XIRP2: variants seen among roughly 807,000 people sequenced by gnomAD.
The protein encoded by XIRP2 is xin actin-binding repeat-containing protein 2.
XIRP2 carries 236 observed loss-of-function variants against 277.0 expected under a neutral mutation model. The observed-to-expected ratio is 0.85, with a 90% CI of 0.77 to 0.95. The LOEUF is 0.95. Among genes scored for constraint, XIRP2 ranks in the 40% least tolerant of loss-of-function variants. The pLI, the probability that XIRP2 is intolerant of heterozygous loss-of-function variation, is 0.00. For missense variants in XIRP2, 4,640 were observed against 4,157.5 expected (o/e 1.12, Z -3.19); for synonymous variants, 1,490 against 1,416.5 (o/e 1.05, Z -1.17).
chr2:167,113,203 G>A (rs1175776385), intron 2 of XIRP2, among the ~76,000 whole-genome samples: 1 of 152,060 alleles, frequency 6.6e-6, no homozygotes, highest in Admixed American at 6.6e-5. Context: ...GAGTATCTTT[G>A]TTAATTTTCC....
chr2:167,176,690 T>G (rs929119213), intron 3 of XIRP2, among the ~76,000 whole-genome samples: 1 of 152,154 alleles, frequency 6.6e-6, no homozygotes, highest in Non-Finnish European at 1.5e-5. Context: ...AGGTTGTTAG[T>G]GTGGGGTAAG....
At chr2:167,241,122 C>T (rs546267139) in intron 7 of XIRP2, among the ~76,000 whole-genome samples, 30 of 152,178 alleles carry the variant, frequency 2.0e-4, no homozygotes, top group Non-Finnish European at 3.5e-4. Flanking sequence ...GTCTGGCTCT[C>T]CAACCTGTAG....
intron 3 of XIRP2, among the ~76,000 whole-genome samples, chr2:167,161,008 C>G (rs1692347369): frequency 6.6e-6 from 1 of 152,140 alleles, no homozygotes; most frequent in African/African-American, 2.4e-5. Context: ...GCTATAGGCC[C>G]CAGGCAAGTC....
At chr2:167,031,178 T>C (rs1215913711) in intron 2 of XIRP2, among the ~76,000 whole-genome samples, 1 of 152,160 alleles carries the variant, frequency 6.6e-6, no homozygotes, top group Non-Finnish European at 1.5e-5. Context: ...GATTGGGGCA[T>C]TTAGCCCATT....
intron 2 of XIRP2, among the ~76,000 whole-genome samples, chr2:166,975,396 T>G (rs1443254907): frequency 3.9e-5 from 6 of 152,172 alleles, no homozygotes; most frequent in African/African-American, 1.2e-4. Context: ...ATATAGTGGG[T>G]CATAATATAA....
intron 2 of XIRP2, among the ~76,000 whole-genome samples, chr2:167,117,591 G>A (rs1006589183): frequency 6.6e-6 from 1 of 152,158 alleles, no homozygotes; most frequent in African/African-American, 2.4e-5. Context: ...CCTTTGTGAT[G>A]TTTGCCTTAA....
rs1559040596 is a variant in XIRP2 at position 167,246,161 on chromosome 2, A to G, written c.4769A>G (p.Gln1590Arg). The G allele has an allele frequency of 6.2e-7, 1 of 1,612,466 alleles. No individual in the cohort carries two copies. Among genetic ancestry groups the G allele is most frequent in the African/African-American group, 1.3e-5 (1 of 74,752 alleles). ...VRMAKYKLMN[Q>R]ASPEIQKEEI... ...ATGGCAAAATACAAGCTAATGAACC[A>G]AGCATCTCCTGAGATACAGAAAGAA... Residue 1590 changes from glutamine to arginine, a missense_variant, in exon 9 of 11, where the codon CAA becomes CGA. Physicochemically the swap from Gln to Arg is conservative, Grantham distance 43 (BLOSUM62 1). Transcript: ENST00000409195.
chr2:167,032,226 G>A (rs929450280), intron 2 of XIRP2, among the ~76,000 whole-genome samples: 1 of 152,070 alleles, frequency 6.6e-6, no homozygotes, highest in African/African-American at 2.4e-5. Context: ...TTTAATAAAT[G>A]GTGTTGGGAA....
chr2:166,918,003 T>A (rs909630444), intron 2 of XIRP2, among the ~76,000 whole-genome samples: 2 of 152,184 alleles, frequency 1.3e-5, no homozygotes, highest in African/African-American at 4.8e-5. Context: ...CCTTCCTACA[T>A]GAGCTTATCT....
chr2:167,008,181 A>G (rs780206245), intron 2 of XIRP2, among the ~76,000 whole-genome samples: 6 of 151,628 alleles, frequency 4.0e-5, no homozygotes, highest in Admixed American at 2.6e-4. Flanking sequence ...TTGTCAACAT[A>G]TATCTTTTAT....
intron 3 of XIRP2, among the ~76,000 whole-genome samples, chr2:167,202,276 T>A (rs1693742052): frequency 6.6e-6 from 1 of 152,184 alleles, no homozygotes; most frequent in Admixed American, 6.5e-5. Flanking sequence ...AATTTAAAAA[T>A]GTTTAAGAGC....
At chr2:167,030,780 G>A (rs932303628) in intron 2 of XIRP2, among the ~76,000 whole-genome samples, 6 of 151,872 alleles carry the variant, frequency 4.0e-5, no homozygotes, top group Non-Finnish European at 7.4e-5. Flanking sequence ...GTCTAATATC[G>A]ACAGTGGGGT....
chr2:167,186,392 G>A (rs755339545), intron 3 of XIRP2, among the ~76,000 whole-genome samples: 5 of 152,072 alleles, frequency 3.3e-5, no homozygotes, highest in Admixed American at 3.3e-4. Flanking sequence ...TTACAAATAG[G>A]CATTTTATAT....
intron 2 of XIRP2, among the ~76,000 whole-genome samples, chr2:167,042,336 C>A (rs1688678720): frequency 6.6e-6 from 1 of 152,130 alleles, no homozygotes; most frequent in South Asian, 2.1e-4. Flanking sequence ...TCCTCACATA[C>A]TGACACTATC....
intron 3 of XIRP2, among the ~76,000 whole-genome samples, chr2:167,164,729 A>G (rs1208098491): frequency 2.0e-5 from 3 of 152,100 alleles, no homozygotes; most frequent in Non-Finnish European, 4.4e-5. Flanking sequence ...AATGGACATT[A>G]TTTTTAATCA....
In XIRP2 at chr2:167,031,162, A is replaced by T. The variant is rs141450018; in HGVS notation, c.409-104747A>T. 3.2e-3 allele frequency among the ~76,000 whole-genome samples: 487 copies of T among 151,862 alleles called. 4 individuals are homozygous for T. The highest frequency in any genetic ancestry group is 0.011 in the African/African-American group (461 of 41,426). On this transcript the variant is annotated intron_variant, in intron 2 of 10. Coordinates refer to ENST00000409195, the MANE Select transcript of XIRP2 (RefSeq NM_152381.6). ...ACTCTATCCAATTTGCCAGTCTTTG[A>T]CTTTTGATTGGGGCATTTAGCCCAT...
chr2:167,126,387 G>T (rs990331492), intron 2 of XIRP2, among the ~76,000 whole-genome samples: 2 of 152,126 alleles, frequency 1.3e-5, no homozygotes, highest in Non-Finnish European at 2.9e-5. Flanking sequence ...CCTCAGAAAA[G>T]TTCCCACGAG....
At position 167,240,728 on chromosome 2, in the gene XIRP2, A is replaced by C; in HGVS notation, c.1034A>C (p.Gln345Pro). Residue 345 changes from glutamine to proline, a missense_variant, in exon 7 of 11, where the codon CAA becomes CCA. Transcript: ENST00000409195. Reference sequence around the variant, plus strand: ...GCATCTCAGTTTCATCAATATGTTCAAGAAACTGGTAAGAGTCTGGTATTA... The same window carrying C: ...GCATCTCAGTTTCATCAATATGTTCCAGAAACTGGTAAGAGTCTGGTATTA... ...NQASQFHQYV[Q>P]ETVIDTPEDE... 1 of 1,613,420 alleles carries C rather than the reference A, an allele frequency of 6.2e-7. No homozygotes were observed. The highest frequency in any genetic ancestry group is 2.2e-5 in the East Asian group (1 of 44,802).
intron 3 of XIRP2, among the ~76,000 whole-genome samples, chr2:167,151,592 A>G (rs1257582995): frequency 6.6e-6 from 1 of 152,168 alleles, no homozygotes; most frequent in African/African-American, 2.4e-5. Context: ...AACATCCTCT[A>G]TGAATTCCCA....
Sources: allele counts gnomAD v4.1 joint callset (sites outside exome capture counted in the v4.1 genomes callset), GRCh38; gene constraint gnomAD v4.1.1; transcripts MANE v1.5; gene names NCBI Gene and HGNC (gene_info 2026-07-23, HGNC 2026-07-21).